ABCC4: variants seen among roughly 807,000 people sequenced by gnomAD.
ABCC4 encodes the protein ATP binding cassette subfamily C member 4 (PEL blood group), also known as ATP-binding cassette sub-family C member 4.
Under a neutral mutation model 168.5 loss-of-function variants are expected in ABCC4, and 102 were observed. The observed-to-expected ratio is 0.61, with a 90% CI of 0.52 to 0.71. The LOEUF is 0.71. Among genes scored for constraint, ABCC4 ranks in the 30% least tolerant of loss-of-function variants. The pLI is 0.00. For missense variants in ABCC4, 1,402 were observed against 1,605.8 expected (o/e 0.87, Z 2.17); for synonymous variants, 617 against 590.7 (o/e 1.04, Z -0.65).
In ABCC4 at chr13:95,043,807, G is replaced by A; in HGVS notation, c.3630-20C>T. 3 of 1,566,016 alleles carry A rather than the reference G, an allele frequency of 1.9e-6. No homozygotes were observed. The highest frequency in any genetic ancestry group is 2.6e-6 in the Non-Finnish European group (3 of 1,137,986). On this transcript the variant is annotated intron_variant, in intron 28 of 30. Coordinates refer to ENST00000645237, the MANE Select transcript of ABCC4 (RefSeq NM_005845.5). ...TCAGTTCTGCAATCAAAGAAGTTAA[G>A]TTTAATTTCGTAAAGATGCAAAAAG... is the stretch of plus-strand genomic sequence containing the variant.
At chr13:95,058,942 A>T (rs1408087275) in intron 26 of ABCC4, among the ~76,000 whole-genome samples, 3 of 152,236 alleles carry the variant, frequency 2.0e-5, no homozygotes, top group Non-Finnish European at 4.4e-5. Context: ...TCATGAAATC[A>T]CTTTTGTGAC....
chr13:95,070,202 A>G (rs1336407030), intron 25 of ABCC4, among the ~76,000 whole-genome samples: 1 of 152,142 alleles, frequency 6.6e-6, no homozygotes, highest in East Asian at 1.9e-4. Flanking sequence ...CGGGAATGTG[A>G]CATTGCACTC....
chr13:95,194,345 A>T (rs1299782746), intron 9 of ABCC4, among the ~76,000 whole-genome samples: 2 of 152,222 alleles, frequency 1.3e-5, no homozygotes, highest in African/African-American at 4.8e-5. Flanking sequence ...CAACATCCAG[A>T]TGCTTGGAAT....
intron 19 of ABCC4, among the ~76,000 whole-genome samples, chr13:95,142,114 C>T (rs553367739): frequency 6.6e-5 from 10 of 152,156 alleles, no homozygotes; most frequent in Admixed American, 3.9e-4. Flanking sequence ...AGTCATTACG[C>T]GAAAAAGATA....
intron 4 of ABCC4, among the ~76,000 whole-genome samples, chr13:95,232,063 T>C (rs1040988594): frequency 6.6e-6 from 1 of 152,052 alleles, no homozygotes. Context: ...ATTCTTCTCC[T>C]AAATGGTAGA....
intron 10 of ABCC4, among the ~76,000 whole-genome samples, chr13:95,187,611 A>G (rs2038110418): frequency 6.6e-6 from 1 of 152,206 alleles, no homozygotes; most frequent in Non-Finnish European, 1.5e-5. Flanking sequence ...CTCAAAAACT[A>G]AATATACATA....
intron 19 of ABCC4, among the ~76,000 whole-genome samples, chr13:95,157,675 T>A (rs2036916172): frequency 6.6e-6 from 1 of 152,218 alleles, no homozygotes; most frequent in South Asian, 2.1e-4. Flanking sequence ...AAAAAGGTAT[T>A]GTATTATATA....
chr13:95,293,387 C>G (rs61974961), intron 1 of ABCC4, among the ~76,000 whole-genome samples: 43,926 of 151,580 alleles, frequency 0.29, 8,040 homozygotes, highest in African/African-American at 0.53. Flanking sequence ...TCCCCACCCT[C>G]ACACAGCTTT....
At chr13:95,095,163 T>C (rs1338479736) in intron 20 of ABCC4, among the ~76,000 whole-genome samples, 2 of 152,162 alleles carry the variant, frequency 1.3e-5, no homozygotes, top group African/African-American at 4.8e-5. Context: ...CAGAGGAAAA[T>C]AAATCATTAT....
intron 26 of ABCC4, among the ~76,000 whole-genome samples, chr13:95,060,124 C>T (rs2033228187): frequency 6.6e-6 from 1 of 152,102 alleles, no homozygotes; most frequent in Non-Finnish European, 1.5e-5. Context: ...TTTTTTCAAC[C>T]AACATTGAGC....
At chr13:95,211,906 G>A (rs9516537) in intron 4 of ABCC4, among the ~76,000 whole-genome samples, 114,631 of 151,484 alleles carry the variant, frequency 0.76, 43,964 homozygotes, top group Non-Finnish European at 0.83. Context: ...ATGGCCGGGC[G>A]CGGTGGCTCA....
chr13:95,049,285 G>A (rs1203229527), intron 27 of ABCC4, among the ~76,000 whole-genome samples: 1 of 151,954 alleles, frequency 6.6e-6, no homozygotes, highest in Non-Finnish European at 1.5e-5. Context: ...AGTGAGCTGA[G>A]ATTGCACCAC....
intron 19 of ABCC4, among the ~76,000 whole-genome samples, chr13:95,129,022 A>C (rs146038548): frequency 3.0e-3 from 453 of 152,266 alleles, no homozygotes; most frequent in African/African-American, 0.011. Context: ...CCAAAGTTTC[A>C]CTAATGCTGT....
At chr13:95,104,759 C>T (rs556888427) in intron 20 of ABCC4, among the ~76,000 whole-genome samples, 1 of 152,220 alleles carries the variant, frequency 6.6e-6, no homozygotes, top group East Asian at 1.9e-4. Context: ...CATAATGAGG[C>T]CAAGGATTGG....
intron 19 of ABCC4, among the ~76,000 whole-genome samples, chr13:95,134,966 A>C (rs2036096742): frequency 6.6e-6 from 1 of 152,152 alleles, no homozygotes; most frequent in Non-Finnish European, 1.5e-5. Context: ...TCTAGTGTAG[A>C]GTCTCCTGTC....
intron 1 of ABCC4, among the ~76,000 whole-genome samples, chr13:95,285,241 C>A (rs998148065): frequency 2.0e-5 from 3 of 151,678 alleles, no homozygotes; most frequent in African/African-American, 7.3e-5. Flanking sequence ...GAGTGAGACT[C>A]CGTCTCTTAA....
At chr13:95,063,518 G>T (rs1270702498) in intron 25 of ABCC4, among the ~76,000 whole-genome samples, 1 of 152,204 alleles carries the variant, frequency 6.6e-6, no homozygotes, top group East Asian at 1.9e-4. Context: ...TTAAAAGACA[G>T]TAGTAACCAG....
intron 2 of ABCC4, 149 bp downstream of exon 2, chr13:95,247,494 G>T: frequency 1.6e-6 from 1 of 636,468 alleles, no homozygotes; most frequent in Non-Finnish European, 2.7e-6. Context: ...ACCATGGTAG[G>T]CTGAGCCTAG....
intron 14 of ABCC4, among the ~76,000 whole-genome samples, chr13:95,168,334 G>T (rs975700010): frequency 2.0e-5 from 3 of 152,142 alleles, no homozygotes; most frequent in Non-Finnish European, 2.9e-5. Flanking sequence ...GTGGGGAAGA[G>T]CCAGCACACG....
Sources: gnomAD v4.1 joint callset for allele counts (sites outside exome capture counted in the v4.1 genomes callset) on GRCh38, gnomAD v4.1.1 for gene constraint, MANE v1.5 for transcripts, NCBI Gene and HGNC (gene_info 2026-07-23, HGNC 2026-07-21) for gene names.